Variants in KLHL20 observed in about 807,000 individuals in gnomAD.
KLHL20 encodes kelch-like protein 20.
A neutral mutation model predicts 69.5 loss-of-function variants in KLHL20; 29 were observed. That is an observed-to-expected ratio of 0.42 (90% CI 0.31 to 0.57). The LOEUF (loss-of-function observed/expected upper bound fraction) is 0.57. Among genes scored for constraint, KLHL20 ranks in the 20% least tolerant of loss-of-function variants. The pLI, the probability that KLHL20 is intolerant of heterozygous loss-of-function variation, is 0.18. For synonymous variants in KLHL20, 253 were observed against 265.2 expected, an observed-to-expected ratio of 0.95 and a Z score of 0.45; for missense variants, 419 against 776.0, an observed-to-expected ratio of 0.54 and a Z score of 5.47.
intron 8 of KLHL20, among the ~76,000 whole-genome samples, chr1:173,769,928 T>C (rs776952838): frequency 5.3e-5 from 8 of 151,994 alleles, no homozygotes; most frequent in African/African-American, 1.9e-4. Flanking sequence ...TAATAATCTC[T>C]GAAGGCAAGG....
chr1:173,750,215 T>C (rs1388574549), intron 3 of KLHL20, among the ~76,000 whole-genome samples: 1 of 152,230 alleles, frequency 6.6e-6, no homozygotes, highest in Non-Finnish European at 1.5e-5. Flanking sequence ...AAGCATTCAT[T>C]ATTATTTCTG....
At chr1:173,735,718 G>A (rs904328452) in intron 3 of KLHL20, among the ~76,000 whole-genome samples, 12 of 152,034 alleles carry the variant, frequency 7.9e-5, no homozygotes, top group East Asian at 1.9e-4. Context: ...AGTGTACACC[G>A]TACCCAATGT....
At chr1:173,749,500 G>A (rs549492642) in intron 3 of KLHL20, among the ~76,000 whole-genome samples, 3 of 152,280 alleles carry the variant, frequency 2.0e-5, no homozygotes, top group African/African-American at 7.2e-5. Context: ...ATAGACTTTA[G>A]TGCTAGATCT....
intron 8 of KLHL20, among the ~76,000 whole-genome samples, chr1:173,769,543 CT>C (rs1647949867): frequency 6.6e-6 from 1 of 152,052 alleles, no homozygotes; most frequent in Admixed American, 6.6e-5. Flanking sequence ...AATCCCAACA[CT>C]TTGGGAGGCC....
Position 173,751,977 on chromosome 1 carries a change from A to G in KLHL20, c.756+55A>G, listed in dbSNP as rs1571896976. ...TGCTGACCGGGCATGGTGGCTCATGACTGTAATCCCAGCACTTTGGGAGGC... is the reference window on the plus strand; with the variant it reads ...TGCTGACCGGGCATGGTGGCTCATGGCTGTAATCCCAGCACTTTGGGAGGC... On this transcript the variant is annotated intron_variant, in intron 4 of 11. Transcript: ENST00000209884. 4.5e-6 allele frequency: 7 copies of G among 1,546,376 alleles called. No individual in the cohort carries two copies. In the South Asian group the frequency reaches 8.1e-5, roughly 18 times the overall value.
In KLHL20 at chr1:173,733,605, C is replaced by T. The variant is rs924271293; in HGVS notation, c.24-108C>T. On this transcript the variant is annotated intron_variant, in intron 2 of 11. Coordinates refer to ENST00000209884, the MANE Select transcript of KLHL20 (RefSeq NM_014458.4). The stretch of plus-strand genomic sequence containing the variant: ...TCTACAAAAAATTTAAAAAAAAAAT[C>T]ACCAAGCTAATTACATTTCCTTATC... 5.0e-6 allele frequency: 5 copies of T among 1,004,194 alleles called. No homozygotes were observed. In the African/African-American group the frequency reaches 8.1e-5, roughly 16 times the overall value. The allele number at this position is 1,004,194 out of a possible 1,614,324, so 62.2% of individuals were successfully genotyped here.
At chr1:173,782,339 T>G (rs1648934520) in intron 11 of KLHL20, 109 bp downstream of exon 11, 1 of 660,540 alleles carries the variant, frequency 1.5e-6, no homozygotes, top group South Asian at 2.1e-5. Flanking sequence ...TGGAGTACTT[T>G]GAAGAGGGCT....
At chr1:173,720,647 C>A (rs1454904815) in intron 2 of KLHL20, among the ~76,000 whole-genome samples, 1 of 151,950 alleles carries the variant, frequency 6.6e-6, no homozygotes, top group East Asian at 1.9e-4. Flanking sequence ...ATGATGAGAA[C>A]CTGAAGTATA....
chr1:173,782,462 A>T (rs1446334488), intron 11 of KLHL20, among the ~76,000 whole-genome samples: 2 of 152,038 alleles, frequency 1.3e-5, no homozygotes, highest in East Asian at 3.9e-4. Context: ...GATGGGTAAA[A>T]TAGGGAAAAA....
intron 9 of KLHL20, among the ~76,000 whole-genome samples, chr1:173,774,795 C>A (rs2180327): frequency 0.011 from 1,663 of 152,124 alleles, 125 homozygotes; most frequent in Admixed American, 0.1. Flanking sequence ...ACTACAAATT[C>A]GTTTATTTGG....
intron 7 of KLHL20, among the ~76,000 whole-genome samples, chr1:173,758,623 T>C (rs958533985): frequency 8.5e-5 from 13 of 152,134 alleles, no homozygotes; most frequent in Middle Eastern, 3.4e-3. Flanking sequence ...AAGCTGAAGG[T>C]CTGTTTGCAG....
At chr1:173,734,460 T>C in intron 3 of KLHL20, 174 bp downstream of exon 3, 1 of 639,592 alleles carries the variant, frequency 1.6e-6, no homozygotes, top group Non-Finnish European at 2.8e-6. Flanking sequence ...AATTTTGTGT[T>C]CTACCAGCAA....
intron 7 of KLHL20, among the ~76,000 whole-genome samples, chr1:173,761,858 A>C (rs1185999351): frequency 2.0e-5 from 3 of 152,216 alleles, no homozygotes; most frequent in Non-Finnish European, 4.4e-5. Flanking sequence ...AACCCAAAGG[A>C]AATAACCAAG....
rs563773846 is a variant in KLHL20, at chr1:173,729,160, T to A, written c.24-4553T>A. ...AATTCCTGGACACATACACCCTCCC[T>A]AGACTAAACCAGGAAGAAGTTGAAT... On this transcript the variant is annotated intron_variant, in intron 2 of 11. Transcript: ENST00000209884. 1.5e-3 allele frequency among the ~76,000 whole-genome samples: 223 copies of A among 152,216 alleles called. 2 individuals are homozygous for A. The highest frequency in any genetic ancestry group is 5.0e-3 in the African/African-American group (209 of 41,534).
chr1:173,782,061 A>G, intron 10 of KLHL20, 63 bp from the exon 11 acceptor site: 1 of 1,094,872 alleles, frequency 9.1e-7, no homozygotes. Context: ...TCTAGAAACC[A>G]GTCTATAATT....
chr1:173,736,234 G>A (rs533747408), intron 3 of KLHL20, among the ~76,000 whole-genome samples: 14 of 151,844 alleles, frequency 9.2e-5, no homozygotes, highest in South Asian at 2.1e-4. Flanking sequence ...GATTACAGGC[G>A]TGAGTCACTG....
At chr1:173,731,008 TCGAA>T (rs1470556184) in intron 2 of KLHL20, among the ~76,000 whole-genome samples, 15 of 151,958 alleles carry the variant, frequency 9.9e-5, no homozygotes, top group African/African-American at 3.6e-4. Flanking sequence ...TACAATGAAC[TCGAA>T]CAAATTTACA....
intron 3 of KLHL20, among the ~76,000 whole-genome samples, chr1:173,742,326 TAC>T (rs150776738): frequency 6.6e-6 from 1 of 152,202 alleles, no homozygotes; most frequent in African/African-American, 2.4e-5. Flanking sequence ...ACATACTTTT[TAC>T]ACACACTATT....
chr1:173,751,708 T>A lies in KLHL20; in HGVS notation c.598-56T>A, dbSNP rs1673322522. 7.1e-6 allele frequency: 11 copies of A among 1,551,890 alleles called. No homozygotes were observed. In the South Asian group the frequency reaches 1.1e-4, roughly 16 times the overall value. On this transcript the variant is annotated intron_variant, in intron 3 of 11. Coordinates refer to ENST00000209884, the MANE Select transcript of KLHL20 (RefSeq NM_014458.4). ...GTCCCATAACCCTGAAGAAAAACAC[T>A]GAGACAATAAATGTGATCACAGGAT...
Sources: allele counts gnomAD v4.1 joint callset (sites outside exome capture counted in the v4.1 genomes callset), GRCh38; gene constraint gnomAD v4.1.1; transcripts MANE v1.5; gene names NCBI Gene and HGNC (gene_info 2026-07-23, HGNC 2026-07-21).